The following FTCDNL1 variants were observed in gnomAD, a reference collection of about 807,000 sequenced individuals.
FTCDNL1 encodes the protein formiminotransferase N-terminal subdomain-containing protein.
FTCDNL1 carries 11 observed loss-of-function variants against 5.9 expected under a neutral mutation model. The observed-to-expected ratio is 1.87, with a 90% CI of 1.18 to 3.10. The LOEUF is 3.10. Among genes scored for constraint, FTCDNL1 ranks in the 30% most tolerant of loss-of-function variants. The probability of loss-of-function intolerance (pLI) is 0.00; values close to 1 mark genes in which losing one functional copy is unlikely to be tolerated. For synonymous variants in FTCDNL1, 58 were observed against 24.8 expected (o/e 2.34, Z -3.99); for missense variants, 115 against 65.5 (o/e 1.76, Z -2.61).
chr2:199,692,771 ACCT>A, the FTCDNL1 span, among the ~76,000 whole-genome samples: 3,484 of 152,346 alleles, frequency 0.023, 141 homozygotes, highest in African/African-American at 0.078. Flanking sequence ...TAAACTATGT[ACCT>A]CATAAATGCA....
At chr2:199,736,918 C>A in the FTCDNL1 span, among the ~76,000 whole-genome samples, 1 of 152,226 alleles carries the variant, frequency 6.6e-6, no homozygotes, top group Admixed American at 6.5e-5. Context: ...ATCCTGGGAA[C>A]CCCCTGTTGC....
intron 3 of FTCDNL1, among the ~76,000 whole-genome samples, chr2:199,782,753 T>C (rs975027812): frequency 2.0e-5 from 3 of 152,206 alleles, no homozygotes; most frequent in Non-Finnish European, 4.4e-5. Context: ...TTCTATTCAA[T>C]AGTCTTCAAA....
At chr2:199,762,375 GT>G (rs1373842461) in intron 3 of FTCDNL1, among the ~76,000 whole-genome samples, 1 of 152,094 alleles carries the variant, frequency 6.6e-6, no homozygotes, top group Non-Finnish European at 1.5e-5. Context: ...GTGAAACTCT[GT>G]CTCAAAAAAA....
At chr2:199,765,556 A>ATATATATATTTT in intron 3 of FTCDNL1, among the ~76,000 whole-genome samples, 8 of 42,594 alleles carry the variant, frequency 1.9e-4, no homozygotes, top group Non-Finnish European at 3.4e-4. Context: ...ATATATATAT[A>ATATATATATTTT]TTTTTTTTTT....
intron 3 of FTCDNL1, among the ~76,000 whole-genome samples, chr2:199,798,384 G>A (rs1264945715): frequency 1.3e-5 from 2 of 152,144 alleles, no homozygotes; most frequent in East Asian, 3.8e-4. Context: ...GCAAACAAAA[G>A]TTATAATAAA....
chr2:199,752,728 A>ATCTCTC, the FTCDNL1 span, among the ~76,000 whole-genome samples: 7 of 146,330 alleles, frequency 4.8e-5, no homozygotes, highest in African/African-American at 1.8e-4. Context: ...CATATATACT[A>ATCTCTC]TCTCTCTCTC....
chr2:199,669,897 G>A, the FTCDNL1 span, among the ~76,000 whole-genome samples: 1 of 151,906 alleles, frequency 6.6e-6, no homozygotes, highest in African/African-American at 2.4e-5. Flanking sequence ...TATAATTTTC[G>A]GGAGTCTTAA....
chr2:199,785,402 C>G (rs1160989889), intron 3 of FTCDNL1: 1 of 151,752 alleles, frequency 6.6e-6, no homozygotes, highest in Non-Finnish European at 1.5e-5. Flanking sequence ...GTGCCCGCCA[C>G]CACTCCCAGC....
downstream of FTCDNL1, among the ~76,000 whole-genome samples, chr2:199,804,868 T>C (rs1574563531): frequency 6.6e-6 from 1 of 152,294 alleles, no homozygotes; most frequent in Middle Eastern, 3.4e-3. Context: ...TGTCAACAGT[T>C]GTTGAACTTA....
intron 3 of FTCDNL1, among the ~76,000 whole-genome samples, chr2:199,775,105 C>G (rs1698994087): frequency 6.6e-6 from 1 of 152,168 alleles, no homozygotes; most frequent in Non-Finnish European, 1.5e-5. Flanking sequence ...TCCATATTGC[C>G]AGCTGGCCAG....
intron 2 of FTCDNL1, among the ~76,000 whole-genome samples, chr2:199,847,398 ACTC>A (rs1339314023): frequency 6.6e-6 from 1 of 152,202 alleles, no homozygotes; most frequent in Non-Finnish European, 1.5e-5. Context: ...TTTTCAACAT[ACTC>A]TAACTCCTGG....
At chr2:199,838,256 A>C (rs768478142) in intron 3 of FTCDNL1, among the ~76,000 whole-genome samples, 7 of 152,228 alleles carry the variant, frequency 4.6e-5, no homozygotes, top group Non-Finnish European at 1.0e-4. Context: ...ACTGAGTAGA[A>C]GTCAGACAAA....
At chr2:199,789,927 T>C (rs996688139) in intron 3 of FTCDNL1, among the ~76,000 whole-genome samples, 5 of 152,164 alleles carry the variant, frequency 3.3e-5, no homozygotes, top group Non-Finnish European at 5.9e-5. Flanking sequence ...GGATGGTAAC[T>C]CTACTGAAGA....
At chr2:199,775,019 C>T (rs1698990201) in intron 3 of FTCDNL1, among the ~76,000 whole-genome samples, 3 of 152,230 alleles carry the variant, frequency 2.0e-5, no homozygotes, top group Admixed American at 2.0e-4. Flanking sequence ...CTGTTCACCA[C>T]TGATCAAGTA....
chr2:199,718,759 C>T, the FTCDNL1 span, among the ~76,000 whole-genome samples: 51 of 152,098 alleles, frequency 3.4e-4, no homozygotes, highest in Non-Finnish European at 5.9e-4. Flanking sequence ...TGGTGTAAGA[C>T]GCTATCTCGT....
the FTCDNL1 span, among the ~76,000 whole-genome samples, chr2:199,726,572 T>C: frequency 1.3e-5 from 2 of 152,208 alleles, no homozygotes; most frequent in African/African-American, 4.8e-5. Flanking sequence ...TTGGGATTTT[T>C]GTGGGTTCTT....
chr2:199,689,962 G>A, the FTCDNL1 span, among the ~76,000 whole-genome samples: 3 of 152,072 alleles, frequency 2.0e-5, no homozygotes, highest in Admixed American at 2.0e-4. Context: ...ATTTCCACAT[G>A]ATGAAATACT....
intron 3 of FTCDNL1, among the ~76,000 whole-genome samples, chr2:199,768,025 T>A (rs1483130204): frequency 6.6e-6 from 1 of 152,220 alleles, no homozygotes; most frequent in Admixed American, 6.5e-5. Context: ...GAAACATACA[T>A]ATTTAACATT....
intron 3 of FTCDNL1, among the ~76,000 whole-genome samples, chr2:199,799,623 T>G (rs572655666): frequency 1.3e-5 from 2 of 152,310 alleles, no homozygotes; most frequent in East Asian, 3.9e-4. Context: ...CATTTTAAGA[T>G]GACTCAGTTT....
Sources: gnomAD v4.1 joint callset for allele counts (sites outside exome capture counted in the v4.1 genomes callset) on GRCh38, gnomAD v4.1.1 for gene constraint, MANE v1.5 for transcripts, NCBI Gene and HGNC (gene_info 2026-07-23, HGNC 2026-07-21) for gene names.